Variants in GPSM2 observed in about 807,000 individuals in gnomAD.
GPSM2 encodes the protein G protein signaling modulator 2, also known as G protein-signaling modulator 2.
Under a neutral mutation model 78.4 loss-of-function variants are expected in GPSM2, and 58 were observed. The observed-to-expected ratio is 0.74, with a 90% CI of 0.60 to 0.92. The LOEUF (loss-of-function observed/expected upper bound fraction) is 0.92, where lower values mean the gene tolerates loss of function less well. GPSM2 is among the 40% of genes least tolerant of loss of function. The pLI is 0.00. For missense variants in GPSM2, 700 were observed against 815.5 expected, an observed-to-expected ratio of 0.86 and a Z score of 1.73; for synonymous variants, 224 against 280.2, an observed-to-expected ratio of 0.80 and a Z score of 2.00.
intron 12 of GPSM2, among the ~76,000 whole-genome samples, chr1:108,922,042 T>C (rs919448303): frequency 7.3e-6 from 1 of 137,226 alleles, no homozygotes; most frequent in Non-Finnish European, 1.5e-5. Context: ...GGTAGGAAAA[T>C]ACACTTGTTT....
chr1:108,888,635 C>T (rs1188186922), intron 2 of GPSM2, among the ~76,000 whole-genome samples: 1 of 152,200 alleles, frequency 6.6e-6, no homozygotes, highest in Non-Finnish European at 1.5e-5. Flanking sequence ...CTGCCGTGCC[C>T]AGCTGGTAAT....
In GPSM2 at chr1:108,898,087, C is replaced by T. The variant is rs754448998; in HGVS notation, c.543C>T (p.Ala181=). ...AAGTGAGAGATGCTCTGCAGGCAGC[C>T]GTGGATTTTTATGAGTGAGTAGGGG... The part of the protein sequence containing the change: ...PEEVRDALQA[A]VDFYEENLSL... The change falls in exon 5 of 15, where the codon GCC becomes GCT. Residue 181 remains alanine, a synonymous_variant. Coordinates refer to ENST00000264126, the MANE Select transcript of GPSM2 (RefSeq NM_013296.5). The T allele has an allele frequency of 2.6e-5, 42 of 1,613,768 alleles. No homozygotes were observed. The highest frequency in any genetic ancestry group is 8.8e-5 in the South Asian group (8 of 91,072).
Position 108,898,891 on chromosome 1 carries a change from G to A in GPSM2, c.694G>A (p.Ala232Thr). 1 of 1,610,624 alleles carries A rather than the reference G, an allele frequency of 6.2e-7. No homozygotes were observed. The highest frequency in any genetic ancestry group is 1.1e-5 in the South Asian group (1 of 91,006). The change falls in exon 7 of 15, where the codon GCA becomes ACA. Residue 232 changes from alanine to threonine, a missense_variant. Physicochemically the swap from Ala to Thr is moderately conservative, Grantham distance 58. Transcript: ENST00000264126. ...VIAHEQRLLI[A>T]KEFGDKAAER... is the part of the protein sequence containing the mutation. Reference sequence around the variant, plus strand: ...TTGTTTGTTTCAGCGTCTCCTTATTGCAAAAGAATTTGGAGATAAAGCAGC... The same window carrying A: ...TTGTTTGTTTCAGCGTCTCCTTATTACAAAAGAATTTGGAGATAAAGCAGC...
At chr1:108,895,310 T>C (rs1020867094) in intron 2 of GPSM2, among the ~76,000 whole-genome samples, 9 of 152,228 alleles carry the variant, frequency 5.9e-5, no homozygotes, top group African/African-American at 2.2e-4. Flanking sequence ...ATTAAAACAT[T>C]TGATGAGCTT....
chr1:108,905,855 C>T (rs1170547451), intron 10 of GPSM2, among the ~76,000 whole-genome samples: 2 of 152,138 alleles, frequency 1.3e-5, no homozygotes, highest in African/African-American at 4.8e-5. Flanking sequence ...GTGGCTACTA[C>T]AAGAGGGAGT....
In GPSM2 at chr1:108,897,511, G is replaced by A; in HGVS notation, c.298G>A (p.Gly100Arg). The A allele has an allele frequency of 6.2e-7, 1 of 1,613,020 alleles. No individual in the cohort carries two copies. The change falls in exon 4 of 15, where the codon GGG becomes AGG. Residue 100 changes from glycine to arginine, a missense_variant. Coordinates refer to ENST00000264126, the MANE Select transcript of GPSM2 (RefSeq NM_013296.5). ...TTTCAGGACTATTGGAGACCAGCTG[G>A]GGGAAGCGAAAGCTAGTGGTAATCT... ...TLARTIGDQL[G>R]EAKASGNLGN...
At chr1:108,917,580 A>T (rs1650326600) in intron 11 of GPSM2, among the ~76,000 whole-genome samples, 1 of 123,136 alleles carries the variant, frequency 8.1e-6, no homozygotes, top group African/African-American at 3.0e-5. Context: ...AAATTTAAAA[A>T]AAGCAACAAA....
chr1:108,878,209 T>C (rs1443504622), intron 1 of GPSM2, among the ~76,000 whole-genome samples: 2 of 152,182 alleles, frequency 1.3e-5, no homozygotes, highest in Non-Finnish European at 2.9e-5. Flanking sequence ...TAGAAGTGAA[T>C]AAACAACATT....
At position 108,914,416 on chromosome 1, in the gene GPSM2, G is replaced by A; in HGVS notation, c.1263+8G>A. On this transcript the variant is annotated splice_region_variant and intron_variant, in intron 11 of 14. Coordinates refer to ENST00000264126, the MANE Select transcript of GPSM2 (RefSeq NM_013296.5). ...AAGTTAACACCAGAAAAGGTGGGTGGCAGGTTTTATGTTTTAAATTTCATG... is the reference window on the plus strand; with the variant it reads ...AAGTTAACACCAGAAAAGGTGGGTGACAGGTTTTATGTTTTAAATTTCATG... The A allele has an allele frequency of 6.3e-7, 1 of 1,583,186 alleles. No homozygotes were observed. Among genetic ancestry groups the A allele is most frequent in the Non-Finnish European group, 8.7e-7 (1 of 1,152,690 alleles).
chr1:108,919,562 ACTCTGT>A (rs1650541902), intron 12 of GPSM2, among the ~76,000 whole-genome samples: 1 of 151,944 alleles, frequency 6.6e-6, no homozygotes, highest in Non-Finnish European at 1.5e-5. Flanking sequence ...ACATGGTGAA[ACTCTGT>A]CTCTACCAAA....
At chr1:108,890,506 T>C (rs1459941945) in intron 2 of GPSM2, among the ~76,000 whole-genome samples, 1 of 152,246 alleles carries the variant, frequency 6.6e-6, no homozygotes, top group Non-Finnish European at 1.5e-5. Context: ...TAAAAATCTG[T>C]ACTGTCTGTA....
At chr1:108,878,006 T>C (rs1485428120) in intron 1 of GPSM2, among the ~76,000 whole-genome samples, 1 of 152,198 alleles carries the variant, frequency 6.6e-6, no homozygotes, top group Non-Finnish European at 1.5e-5. Context: ...CTTTCCTTTC[T>C]ATCGGGTTTG....
chr1:108,901,894 C>G lies in GPSM2; in HGVS notation c.902C>G (p.Ala301Gly), dbSNP rs1184364853. The change falls in exon 8 of 15, where the codon GCC (alanine) becomes GGC (glycine). Residue 301 changes from alanine (A) to glycine (G), a missense_variant. Physicochemically the swap from Ala to Gly is moderately conservative, Grantham distance 60 (BLOSUM62 0). Coordinates refer to ENST00000264126, the MANE Select transcript of GPSM2 (RefSeq NM_013296.5). ...ACTTTACTTCAAGACTATGAAAAGGCCATTGATTATCATCTGAAGCACTTA... is the reference window on the plus strand; with the variant it reads ...ACTTTACTTCAAGACTATGAAAAGGGCATTGATTATCATCTGAAGCACTTA... ...TYTLLQDYEK[A>G]IDYHLKHLAI... 2 of 1,610,296 alleles carry G rather than the reference C, an allele frequency of 1.2e-6. No homozygotes were observed. The highest frequency in any genetic ancestry group is 3.3e-5 in the Admixed American group (2 of 59,978).
intron 11 of GPSM2, among the ~76,000 whole-genome samples, chr1:108,915,655 G>A (rs1483595238): frequency 6.6e-6 from 1 of 151,704 alleles, no homozygotes; most frequent in Non-Finnish European, 1.5e-5. Flanking sequence ...TCGATCTCCT[G>A]ACCTCGTGTT....
At position 108,909,841 on chromosome 1, in the gene GPSM2, T is replaced by A. The variant is rs1254854196; in HGVS notation, c.1193-4497T>A. The stretch of plus-strand genomic sequence containing the variant: ...TTGCTTAAACCCAGGAGGCGGAGGC[T>A]GCAGTGAGCCGAGATCACACCACTG... On this transcript the variant is annotated intron_variant, in intron 10 of 14. Transcript: ENST00000264126. The A allele has an allele frequency of 9.2e-5, 12 of 131,018 alleles. No homozygotes were observed. In the East Asian group the frequency reaches 2.6e-3, roughly 29 times the overall value. 8.1% of individuals were successfully genotyped at this position (131,018 alleles called of 1,614,324 possible). A position where few individuals can be genotyped will look rare whatever the true frequency, so the allele number is the denominator to read the frequency against.
rs1651593506 is a variant in GPSM2 at position 108,929,806 on chromosome 1, AAGAGAATGGATGAAC to A, written c.1927_1941del (p.Met643_Arg647del). 1 of 1,613,992 alleles carries A rather than the reference AAGAGAATGGATGAAC, an allele frequency of 6.2e-7. No homozygotes were observed. Reference sequence around the variant, plus strand: ...CAGCCTTATTTTACGGTCCCAGGGAAAGAGAATGGATGAACAGAGAGTTCTTTTACAAAGAGATCA... The same window carrying A: ...CAGCCTTATTTTACGGTCCCAGGGAAAGAGAGTTCTTTTACAAAGAGATCA... On this transcript the variant is annotated inframe_deletion, in exon 15 of 15. Coordinates refer to ENST00000264126, the MANE Select transcript of GPSM2 (RefSeq NM_013296.5).
At position 108,922,479 on chromosome 1, in the gene GPSM2, C is replaced by A; in HGVS notation, c.1503C>A (p.Ser501Arg). The change falls in exon 13 of 15, where the codon AGC becomes AGA. Residue 501 changes from serine to arginine, a missense_variant. Transcript: ENST00000264126. ...GFFDLLSRFQ[S>R]NRMDDQRCCL... ...TTGACTTATTAAGCCGATTTCAAAG[C>A]AATAGGATGGATGATCAGAGATGTT... 1 of 1,611,508 alleles carries A rather than the reference C, an allele frequency of 6.2e-7. No homozygotes were observed. Among genetic ancestry groups the A allele is most frequent in the Non-Finnish European group, 8.5e-7 (1 of 1,177,710 alleles).
At chr1:108,926,803 G>C (rs753462634) in intron 14 of GPSM2, 2 of 152,178 alleles carry the variant, frequency 1.3e-5, no homozygotes. Context: ...TCTCCTCCAA[G>C]ATCAGGAACG....
intron 10 of GPSM2, among the ~76,000 whole-genome samples, chr1:108,906,387 A>C (rs997098503): frequency 6.6e-6 from 1 of 151,928 alleles, no homozygotes; most frequent in African/African-American, 2.4e-5. Context: ...CATCAAACCT[A>C]TCAGAAACCT....
Sources: gnomAD v4.1 joint callset for allele counts (sites outside exome capture counted in the v4.1 genomes callset) on GRCh38, gnomAD v4.1.1 for gene constraint, MANE v1.5 for transcripts, NCBI Gene and HGNC (gene_info 2026-07-23, HGNC 2026-07-21) for gene names.